The following ADAMTS8 variants were observed in gnomAD, a reference collection of about 807,000 sequenced individuals.
ADAMTS8 encodes ADAM metallopeptidase with thrombospondin type 1 motif 8, also known as A disintegrin and metalloproteinase with thrombospondin motifs 8.
A neutral mutation model predicts 64.4 loss-of-function variants in ADAMTS8; 50 were observed. The ratio of observed to expected loss-of-function variants is 0.78; its 90% CI spans 0.62 to 0.98. The LOEUF is 0.98. Among genes scored for constraint, ADAMTS8 ranks in the 50% least tolerant of loss-of-function variants. ADAMTS8 has a pLI of 0.00. For missense variants in ADAMTS8, 1,192 were observed against 1,208.2 expected (o/e 0.99, Z 0.20); for synonymous variants, 556 against 533.6 (o/e 1.04, Z -0.58).
Position 130,427,913 on chromosome 11 carries a change from G to T in ADAMTS8, c.374C>A (p.Ser125Tyr), listed in dbSNP as rs1565382552. 6.5e-7 allele frequency: 1 copy of T among 1,533,988 alleles called. No individual in the cohort carries two copies. ...AVSLCRGLSG[S>Y]FLLDGEEFTI... The stretch of plus-strand genomic sequence containing the variant: ...GAACTCCTCGCCGTCCAGCAGGAAG[G>T]AGCCGCTCAGCCCGCGGCACAGGCT... The change falls in exon 1 of 9, where the codon TCC (serine) becomes TAC (tyrosine). Residue 125 changes from serine (S) to tyrosine (Y), a missense_variant. Around this residue, in one of 5 missense-constraint regions of ADAMTS8, gnomAD observed 741 missense variants for 710.6 expected, o/e 1.04. Coordinates refer to ENST00000257359, the MANE Select transcript of ADAMTS8 (RefSeq NM_007037.6).
chr11:130,426,911 C>T (rs750536191), intron 1 of ADAMTS8, among the ~76,000 whole-genome samples: 1 of 152,262 alleles, frequency 6.6e-6, no homozygotes, highest in Admixed American at 6.5e-5. Flanking sequence ...CTGCCCCTCC[C>T]TCTTGTGCTG....
intron 1 of ADAMTS8, 136 bp downstream of exon 1, chr11:130,427,431 G>C: frequency 9.2e-7 from 1 of 1,083,318 alleles, no homozygotes; most frequent in Non-Finnish European, 1.3e-6. Flanking sequence ...GGTAAGGCTG[G>C]AGAAGATGAG....
chr11:130,414,038 A>G (rs536611863), intron 5 of ADAMTS8, among the ~76,000 whole-genome samples: 1 of 132,138 alleles, frequency 7.6e-6, no homozygotes, highest in Non-Finnish European at 1.7e-5. Flanking sequence ...CACCGTGTGG[A>G]TAAATATGCT....
intron 1 of ADAMTS8, among the ~76,000 whole-genome samples, chr11:130,419,886 T>TG (rs964862319): frequency 7.9e-5 from 12 of 151,900 alleles, no homozygotes; most frequent in East Asian, 3.9e-4. Flanking sequence ...CTCTACTCTT[T>TG]GGGGGGGGAT....
At position 130,405,200 on chromosome 11, in the gene ADAMTS8, G is replaced by A; in HGVS notation, c.*358C>T. On this transcript the variant is annotated 3_prime_UTR_variant, in exon 9 of 9. Transcript: ENST00000257359. ...CCCTGTGAGGTAGATTATTTATCGG[G>A]GAAACCAGATAGAATTTTTTTTTTC... is the stretch of plus-strand genomic sequence containing the variant. 1 of 1,040,820 alleles carries A rather than the reference G, an allele frequency of 9.6e-7. No individual in the cohort carries two copies. Among genetic ancestry groups the A allele is most frequent in the Non-Finnish European group, 1.2e-6 (1 of 866,280 alleles). 64.5% of individuals were successfully genotyped at this position (1,040,820 alleles called of 1,614,324 possible).
At position 130,416,664 on chromosome 11, in the gene ADAMTS8, C is replaced by A. The variant is rs893596102; in HGVS notation, c.1096+276G>T. On this transcript the variant is annotated intron_variant, in intron 3 of 8. Transcript: ENST00000257359. The surrounding 1 kb of genome is among the most constrained non-coding windows in gnomAD (Gnocchi z 4.8). Reference sequence around the variant, plus strand: ...ACAGCTCCACGCCTCCACCCCAGCACGTGTCTGGTGTCCTGTGTCCTGGCA... The same window carrying A: ...ACAGCTCCACGCCTCCACCCCAGCAAGTGTCTGGTGTCCTGTGTCCTGGCA... Among the ~76,000 whole-genome samples the A allele has an allele frequency of 6.6e-6, 1 of 152,194 alleles. No individual in the cohort carries two copies. Among genetic ancestry groups the A allele is most frequent in the South Asian group, 2.1e-4 (1 of 4,834 alleles).
At chr11:130,412,533 T>C (rs993257605) in intron 5 of ADAMTS8, among the ~76,000 whole-genome samples, 13 of 152,140 alleles carry the variant, frequency 8.5e-5, no homozygotes, top group African/African-American at 2.9e-4. Flanking sequence ...ATTTTACAAC[T>C]GACCTATGAG....
In ADAMTS8 at chr11:130,406,015, G is replaced by A; in HGVS notation, c.2213C>T (p.Ala738Val). Residue 738 changes from alanine to valine, a missense_variant, in exon 9 of 9, where the codon GCT becomes GTT. This residue lies in a region of ADAMTS8 where 290 missense variants were observed against 297.8 expected (regional missense o/e 0.97). Transcript: ENST00000257359. ...NDGNYLALKT[A>V]DGQYLLNGNL... ...GCCGTTGAGCAGGTACTGCCCATCAGCCGTCTTCAGCGCCAGGTAGTTCCC... is the reference window on the plus strand; with the variant it reads ...GCCGTTGAGCAGGTACTGCCCATCAACCGTCTTCAGCGCCAGGTAGTTCCC... 1.2e-6 allele frequency: 2 copies of A among 1,614,224 alleles called. No individual in the cohort carries two copies. Among genetic ancestry groups the A allele is most frequent in the Non-Finnish European group, 1.7e-6 (2 of 1,180,050 alleles).
chr11:130,428,554 G>T lies in ADAMTS8; in HGVS notation c.-268C>A. On this transcript the variant is annotated 5_prime_UTR_variant, in exon 1 of 9. Transcript: ENST00000257359. ...CCGCGTGCGCCCGTCCTCCGCCCCT[G>T]CCCGCGCCAGCCCCGCGCAGCCGCC... The T allele has an allele frequency of 5.1e-6, 3 of 590,534 alleles. No individual in the cohort carries two copies. Among genetic ancestry groups the T allele is most frequent in the Non-Finnish European group, 4.3e-6 (2 of 469,020 alleles). 36.6% of individuals were successfully genotyped at this position (590,534 alleles called of 1,614,324 possible).
chr11:130,427,683 G>C lies in ADAMTS8; in HGVS notation c.604C>G (p.Pro202Ala), dbSNP rs892221130. ...CTACTCGTGGCCCCCAGGGGCGGTGGCGGCTCGCTAGCGCCTTCTGCCTCC... is the reference window on the plus strand; with the variant it reads ...CTACTCGTGGCCCCCAGGGGCGGTGCCGGCTCGCTAGCGCCTTCTGCCTCC... ...EEEAEGASEP[P>A]PPLGATSRTK... The change falls in exon 1 of 9, where the codon CCA (proline) becomes GCA (alanine). Residue 202 changes from proline (P) to alanine (A), a missense_variant. This residue lies in a region of ADAMTS8 where 741 missense variants were observed against 710.6 expected (regional missense o/e 1.04). Coordinates refer to ENST00000257359, the MANE Select transcript of ADAMTS8 (RefSeq NM_007037.6). 7 of 1,596,264 alleles carry C rather than the reference G, an allele frequency of 4.4e-6. No homozygotes were observed. The African/African-American group carries it at 9.4e-5, about 21-fold the overall frequency.
intron 1 of ADAMTS8, among the ~76,000 whole-genome samples, chr11:130,424,721 C>T (rs868124872): frequency 9.2e-5 from 14 of 152,138 alleles, no homozygotes; most frequent in African/African-American, 9.7e-5. Flanking sequence ...GATCTGTTTT[C>T]GGAAGCGCAG....
At chr11:130,424,676 A>G (rs1454807918) in intron 1 of ADAMTS8, among the ~76,000 whole-genome samples, 1 of 152,116 alleles carries the variant, frequency 6.6e-6, no homozygotes, top group Non-Finnish European at 1.5e-5. Flanking sequence ...AGGCACGGGA[A>G]CTTGATTTTC....
intron 2 of ADAMTS8, 85 bp downstream of exon 2, chr11:130,418,968 T>G: frequency 6.3e-7 from 1 of 1,583,654 alleles, no homozygotes; most frequent in Admixed American, 1.7e-5. Context: ...ACGTTTCCCA[T>G]GTTTGGGCAG....
At chr11:130,407,158 A>C (rs1592127482) in intron 8 of ADAMTS8, among the ~76,000 whole-genome samples, 3 of 152,200 alleles carry the variant, frequency 2.0e-5, no homozygotes, top group African/African-American at 7.2e-5. Flanking sequence ...ACTTGATGCC[A>C]GGAGTTCAAG....
Position 130,419,198 on chromosome 11 carries a change from A to G in ADAMTS8, c.815T>C (p.Ile272Thr). ...SINLMVVKVL[I>T]VEDEKWGPEV... ...TGGGCCCCATTTTTCATCTTCTACG[A>G]TCAGCACTTTTACCACCATCAGGTT... The change falls in exon 2 of 9, where the codon ATC (isoleucine) becomes ACC (threonine). Residue 272 changes from isoleucine (I) to threonine (T), a missense_variant. Physicochemically the swap from Ile to Thr is moderately conservative, Grantham distance 89 (BLOSUM62 -1). Transcript: ENST00000257359. The G allele has an allele frequency of 2.5e-6, 4 of 1,614,134 alleles. No homozygotes were observed. Among genetic ancestry groups the G allele is most frequent in the Non-Finnish European group, 3.4e-6 (4 of 1,180,044 alleles).
chr11:130,405,301 T>G lies in ADAMTS8; in HGVS notation c.*257A>C. On this transcript the variant is annotated 3_prime_UTR_variant, in exon 9 of 9. Coordinates refer to ENST00000257359, the MANE Select transcript of ADAMTS8 (RefSeq NM_007037.6). ...TGAGTCAATAAGTGCACTTTTACCT[T>G]TTAACCTATGCCCTCTACTTGAACC... 7.8e-7 allele frequency: 1 copy of G among 1,278,776 alleles called. No homozygotes were observed. The highest frequency in any genetic ancestry group is 9.8e-7 in the Non-Finnish European group (1 of 1,015,274). 79.2% of individuals were successfully genotyped at this position (1,278,776 alleles called of 1,614,324 possible).
Position 130,428,031 on chromosome 11 carries a change from C to A in ADAMTS8, c.256G>T (p.Gly86Cys), listed in dbSNP as rs1444547231. The A allele has an allele frequency of 1.0e-5, 16 of 1,527,420 alleles. No individual in the cohort carries two copies. The highest frequency in any genetic ancestry group is 1.4e-5 in the Non-Finnish European group (16 of 1,144,026). The allele number at this position is 1,527,420 out of a possible 1,614,324, so 94.6% of individuals were successfully genotyped here. ...APEFKIERLG[G>C]SGRATGGERG... ...TCGCCCCCGGTCGCCCGGCCGGAGC[C>A]CCCGAGGCGCTCGATCTTGAACTCG... The change falls in exon 1 of 9, where the codon GGC becomes TGC. Residue 86 changes from glycine to cysteine, a missense_variant. Gly to Cys is a radical substitution (Grantham distance 159). Transcript: ENST00000257359.
intron 1 of ADAMTS8, among the ~76,000 whole-genome samples, chr11:130,419,817 G>A (rs1303581527): frequency 2.0e-5 from 3 of 152,134 alleles, no homozygotes; most frequent in Non-Finnish European, 2.9e-5. Context: ...AGCGCTCAAG[G>A]TTAGTAGAAT....
chr11:130,414,122 CTT>C (rs143297278), intron 5 of ADAMTS8, among the ~76,000 whole-genome samples: 21,846 of 129,378 alleles, frequency 0.17, 2,821 homozygotes, highest in African/African-American at 0.41. Flanking sequence ...AGTTTCTTTT[CTT>C]TTTTTTTTTT....
Sources: gnomAD v4.1 joint callset for allele counts (sites outside exome capture counted in the v4.1 genomes callset) on GRCh38, gnomAD v4.1.1 for gene constraint, gnomAD v4.1.1 regional missense constraint, Gnocchi (gnomAD v3.1) non-coding constraint, MANE v1.5 for transcripts, NCBI Gene and HGNC (gene_info 2026-07-23, HGNC 2026-07-21) for gene names.